Variants in NELL1 observed in about 807,000 individuals in gnomAD.
NELL1 encodes the protein protein kinase C-binding protein NELL1.
Under a neutral mutation model 107.4 loss-of-function variants are expected in NELL1, and 76 were observed. The observed-to-expected ratio is 0.71, with a 90% CI of 0.59 to 0.86. The LOEUF is 0.86. NELL1 is among the 40% of genes least tolerant of loss of function. The pLI, the probability that NELL1 is intolerant of heterozygous loss-of-function variation, is 0.00. For synonymous variants in NELL1, 353 were observed against 341.2 expected (o/e 1.03, Z -0.38); for missense variants, 1,024 against 1,005.5 (o/e 1.02, Z -0.25).
chr11:20,818,397 C>A (rs1038103422), intron 3 of NELL1, among the ~76,000 whole-genome samples: 1 of 133,842 alleles, frequency 7.5e-6, no homozygotes, highest in Non-Finnish European at 1.5e-5. Flanking sequence ...ATAAGAGAAG[C>A]AACCCCTGCT....
At chr11:21,402,531 T>G (rs567425015) in intron 15 of NELL1, among the ~76,000 whole-genome samples, 4 of 151,612 alleles carry the variant, frequency 2.6e-5, no homozygotes, top group Non-Finnish European at 5.9e-5. Flanking sequence ...TCATCATCAC[T>G]CCATAACCAG....
At chr11:21,364,161 A>G (rs1222855628) in intron 14 of NELL1, among the ~76,000 whole-genome samples, 2 of 152,166 alleles carry the variant, frequency 1.3e-5, no homozygotes, top group Non-Finnish European at 2.9e-5. Flanking sequence ...CTGTAATCCC[A>G]GCACTTTGGG....
At chr11:21,321,642 AT>A (rs1219901513) in intron 14 of NELL1, among the ~76,000 whole-genome samples, 1 of 152,226 alleles carries the variant, frequency 6.6e-6, no homozygotes, top group Non-Finnish European at 1.5e-5. Flanking sequence ...AAATAACTCT[AT>A]GAGTATTTCC....
chr11:21,516,385 T>C (rs1300937749), intron 15 of NELL1, among the ~76,000 whole-genome samples: 2 of 152,180 alleles, frequency 1.3e-5, no homozygotes, highest in African/African-American at 4.8e-5. Context: ...TACACGTGTG[T>C]GTATCTTGTG....
rs544406389 is a variant in NELL1 at position 20,870,247 on chromosome 11, T to C, written c.507-15197T>C. Among the ~76,000 whole-genome samples, 6 of 152,332 alleles carry C rather than the reference T, an allele frequency of 3.9e-5. No individual in the cohort carries two copies. The South Asian group carries it at 1.2e-3, about 32-fold the overall frequency. ...CAGTGGTTAAGTCCAGAATTTAGAATAGCAGTCTCTAACTCTTGGGTTTAT... is the reference window on the plus strand; with the variant it reads ...CAGTGGTTAAGTCCAGAATTTAGAACAGCAGTCTCTAACTCTTGGGTTTAT... On this transcript the variant is annotated intron_variant, in intron 4 of 19. Coordinates refer to ENST00000357134, the MANE Select transcript of NELL1 (RefSeq NM_006157.5).
chr11:21,057,013 A>G (rs569879733), intron 12 of NELL1, among the ~76,000 whole-genome samples: 2 of 152,216 alleles, frequency 1.3e-5, no homozygotes, highest in Admixed American at 1.3e-4. Context: ...GAGAAAAAGG[A>G]TAAGAAAAGG....
chr11:21,554,783 G>A (rs537833276), intron 16 of NELL1, among the ~76,000 whole-genome samples: 5 of 151,822 alleles, frequency 3.3e-5, no homozygotes, highest in South Asian at 2.1e-4. Flanking sequence ...TTTTAGAGTC[G>A]TACAACTAAT....
At chr11:21,178,808 A>C (rs1341688293) in intron 13 of NELL1, among the ~76,000 whole-genome samples, 1 of 151,838 alleles carries the variant, frequency 6.6e-6, no homozygotes, top group Non-Finnish European at 1.5e-5. Flanking sequence ...TAGTTAAATA[A>C]AATTTTAAAA....
chr11:20,727,448 G>T (rs1463837927), intron 2 of NELL1, among the ~76,000 whole-genome samples: 2 of 152,106 alleles, frequency 1.3e-5, no homozygotes, highest in Non-Finnish European at 2.9e-5. Flanking sequence ...GGGGTTGTTT[G>T]ATTTTTTCTT....
rs536477104 is a variant in NELL1, at chr11:21,137,875, A to T, written c.1426+24161A>T. ...CCATGCCTGTGAATGCACTGGCTCGATCTTTTCATTCAGTACATTTTCTGT... is the reference window on the plus strand; with the variant it reads ...CCATGCCTGTGAATGCACTGGCTCGTTCTTTTCATTCAGTACATTTTCTGT... On this transcript the variant is annotated intron_variant, in intron 13 of 19. Coordinates refer to ENST00000357134, the MANE Select transcript of NELL1 (RefSeq NM_006157.5). Among the ~76,000 whole-genome samples the T allele has an allele frequency of 1.9e-3, 291 of 152,298 alleles. 3 individuals are homozygous for T. Among genetic ancestry groups the T allele is most frequent in the South Asian group, 0.018 (85 of 4,824 alleles).
intron 2 of NELL1, among the ~76,000 whole-genome samples, chr11:20,697,335 G>A (rs530279607): frequency 8.6e-5 from 13 of 151,546 alleles, no homozygotes; most frequent in Admixed American, 1.3e-4. Flanking sequence ...ATGTGTCATC[G>A]GTGGTTCATT....
intron 7 of NELL1, among the ~76,000 whole-genome samples, chr11:20,921,097 G>A (rs1850367534): frequency 6.6e-6 from 1 of 151,984 alleles, no homozygotes; most frequent in Non-Finnish European, 1.5e-5. Context: ...AAGCCAAGAG[G>A]CAAAATCAAG....
At position 20,701,375 on chromosome 11, in the gene NELL1, G is replaced by A. The variant is rs191753414; in HGVS notation, c.184+23315G>A. ...GGGGTTGTTTGATTTTTTCTTGTAA[G>A]TTTGTTTAAGTTCTTTGTAGATTCT... On this transcript the variant is annotated intron_variant, in intron 2 of 19. Transcript: ENST00000357134. Among the ~76,000 whole-genome samples, 224 of 151,676 alleles carry A rather than the reference G, an allele frequency of 1.5e-3. 2 individuals carry two copies. The highest frequency in any genetic ancestry group is 5.1e-3 in the African/African-American group (211 of 41,142).
chr11:21,425,949 T>C (rs778582077), intron 15 of NELL1, among the ~76,000 whole-genome samples: 7 of 152,080 alleles, frequency 4.6e-5, no homozygotes, highest in Non-Finnish European at 1.0e-4. Context: ...AATGTGGAGG[T>C]AAATGCCAAG....
intron 4 of NELL1, among the ~76,000 whole-genome samples, chr11:20,880,528 C>A (rs1849387845): frequency 6.6e-6 from 1 of 152,098 alleles, no homozygotes. Flanking sequence ...CGATACGAAC[C>A]CAAACATGTT....
At chr11:21,059,415 G>A (rs1348639676) in intron 12 of NELL1, among the ~76,000 whole-genome samples, 4 of 151,918 alleles carry the variant, frequency 2.6e-5, no homozygotes, top group Non-Finnish European at 4.4e-5. Flanking sequence ...TTCTAAGAAA[G>A]CCTTTCTTAA....
intron 12 of NELL1, among the ~76,000 whole-genome samples, chr11:21,049,421 A>C (rs1000737117): frequency 6.6e-6 from 1 of 152,132 alleles, no homozygotes. Flanking sequence ...CCATTGTAAG[A>C]GTTTTCAAAT....
chr11:20,774,833 G>T (rs1002100541), intron 2 of NELL1, among the ~76,000 whole-genome samples: 3 of 152,064 alleles, frequency 2.0e-5, no homozygotes, highest in Admixed American at 2.0e-4. Flanking sequence ...AGCAACCTTT[G>T]GTGCTTAGAG....
At chr11:20,963,817 C>T (rs1851337108) in intron 12 of NELL1, among the ~76,000 whole-genome samples, 1 of 152,084 alleles carries the variant, frequency 6.6e-6, no homozygotes, top group Admixed American at 6.6e-5. Flanking sequence ...GACTGGCTTG[C>T]AAATTAAAAC....
Sources: allele counts gnomAD v4.1 joint callset (sites outside exome capture counted in the v4.1 genomes callset), GRCh38; gene constraint gnomAD v4.1.1; transcripts MANE v1.5; gene names NCBI Gene and HGNC (gene_info 2026-07-23, HGNC 2026-07-21).